ERO1A: variants seen among roughly 807,000 people sequenced by gnomAD.
The protein encoded by ERO1A is ERO1-like protein alpha.
A neutral mutation model predicts 76.9 loss-of-function variants in ERO1A; 49 were observed. The ratio of observed to expected loss-of-function variants is 0.64; its 90% CI spans 0.51 to 0.81. The LOEUF is 0.81. Among genes scored for constraint, ERO1A ranks in the 30% least tolerant of loss-of-function variants. ERO1A has a pLI of 0.00. For synonymous variants in ERO1A, 174 were observed against 181.2 expected, an observed-to-expected ratio of 0.96 and a Z score of 0.32; for missense variants, 448 against 542.1, an observed-to-expected ratio of 0.83 and a Z score of 1.72.
At chr14:52,686,565 ATGGTAGAT>A (rs140614917) in intron 1 of ERO1A, among the ~76,000 whole-genome samples, 22,532 of 152,042 alleles carry the variant, frequency 0.15, 1,855 homozygotes, top group African/African-American at 0.23. Context: ...GGCAGGATAA[ATGGTAGAT>A]TGGTAGATTT....
At chr14:52,646,087 C>G in intron 15 of ERO1A, 67 bp downstream of exon 15, 1 of 1,502,346 alleles carries the variant, frequency 6.7e-7, no homozygotes, top group Non-Finnish European at 8.9e-7. Flanking sequence ...CCAGTTTTTT[C>G]TGAGAGCATA....
Position 52,695,358 on chromosome 14 carries a change from CA to C in ERO1A, c.114+9del. On this transcript the variant is annotated intron_variant, in intron 1 of 15. Coordinates refer to ENST00000395686, the MANE Select transcript of ERO1A (RefSeq NM_014584.3). ...CCGGGACCCTCAGCACCAACGCGCA[CA>C]TCGCTCACCTGGCAGAAGCACCTCT... 7.0e-7 allele frequency: 1 copy of C among 1,432,322 alleles called. No individual in the cohort carries two copies. Among genetic ancestry groups the C allele is most frequent in the Non-Finnish European group, 9.3e-7 (1 of 1,079,970 alleles). 88.7% of individuals were successfully genotyped at this position (1,432,322 alleles called of 1,614,324 possible).
intron 3 of ERO1A, among the ~76,000 whole-genome samples, chr14:52,680,829 C>T (rs980507531): frequency 1.3e-5 from 2 of 152,188 alleles, no homozygotes; most frequent in African/African-American, 4.8e-5. Flanking sequence ...TTCTCATTCT[C>T]ATGGTAAAAT....
Position 52,671,722 on chromosome 14 carries a change from A to T in ERO1A, c.435-19T>A. On this transcript the variant is annotated intron_variant, in intron 5 of 15. Coordinates refer to ENST00000395686, the MANE Select transcript of ERO1A (RefSeq NM_014584.3). ...TTCCTCACTTCAAACAAAGAAAAAAAATAACATTATTATTTTTAAGTTAAT... is the reference window on the plus strand; with the variant it reads ...TTCCTCACTTCAAACAAAGAAAAAATATAACATTATTATTTTTAAGTTAAT... 6.3e-7 allele frequency: 1 copy of T among 1,588,694 alleles called. No homozygotes were observed. The highest frequency in any genetic ancestry group is 1.4e-5 in the African/African-American group (1 of 73,676).
intron 6 of ERO1A, 139 bp downstream of exon 6, chr14:52,671,491 C>A (rs1175717052): frequency 1.1e-5 from 6 of 568,646 alleles, no homozygotes; most frequent in African/African-American, 3.8e-5. Flanking sequence ...AATACCTGGG[C>A]TCCAGTGATT....
intron 1 of ERO1A, among the ~76,000 whole-genome samples, chr14:52,687,527 A>T (rs1176761753): frequency 1.3e-5 from 2 of 152,214 alleles, no homozygotes; most frequent in African/African-American, 2.4e-5. Flanking sequence ...AAATCCTATT[A>T]CCTCAACTAA....
intron 9 of ERO1A, among the ~76,000 whole-genome samples, chr14:52,660,306 T>A (rs756286558): frequency 6.6e-6 from 1 of 152,236 alleles, no homozygotes; most frequent in South Asian, 2.1e-4. Flanking sequence ...AGGTTAACGA[T>A]CTATTTTTCT....
At chr14:52,680,082 C>CAAAAA (rs35358193) in intron 3 of ERO1A, among the ~76,000 whole-genome samples, 616 of 88,880 alleles carry the variant, frequency 6.9e-3, no homozygotes, top group Middle Eastern at 0.013. Flanking sequence ...AAAACACAAA[C>CAAAAA]AAAAAAAAAA....
intron 1 of ERO1A, among the ~76,000 whole-genome samples, chr14:52,685,867 C>T (rs147930835): frequency 8.2e-4 from 125 of 152,304 alleles, no homozygotes; most frequent in African/African-American, 3.0e-3. Context: ...TATTTTACCC[C>T]TGCCCACTAA....
chr14:52,685,460 T>C (rs144678526), intron 1 of ERO1A, among the ~76,000 whole-genome samples: 105 of 152,348 alleles, frequency 6.9e-4, no homozygotes, highest in Middle Eastern at 6.8e-3. Flanking sequence ...CTAAATGATA[T>C]GATTTTTCAA....
intron 9 of ERO1A, among the ~76,000 whole-genome samples, chr14:52,660,243 T>C (rs2040188386): frequency 6.6e-6 from 1 of 152,276 alleles, no homozygotes; most frequent in East Asian, 1.9e-4. Flanking sequence ...CCTTTGATAT[T>C]TGGCCAAAAT....
chr14:52,646,318 T>C (rs200882787), intron 14 of ERO1A, 31 bp from the exon 15 acceptor site: 2 of 1,598,624 alleles, frequency 1.3e-6, no homozygotes, highest in East Asian at 2.2e-5. Flanking sequence ...AAAGAAAAAT[T>C]AGAAAATTAT....
intron 4 of ERO1A, among the ~76,000 whole-genome samples, chr14:52,675,172 T>C (rs953381717): frequency 6.6e-6 from 1 of 152,084 alleles, no homozygotes; most frequent in African/African-American, 2.4e-5. Flanking sequence ...TCACTTGAGG[T>C]CAGAGGTTTG....
chr14:52,667,437 A>C (rs1348375473), intron 6 of ERO1A, among the ~76,000 whole-genome samples: 5 of 152,134 alleles, frequency 3.3e-5, no homozygotes, highest in Non-Finnish European at 5.9e-5. Flanking sequence ...GGTCGGTCCC[A>C]GGGTGGGCAC....
Position 52,695,353 on chromosome 14 carries a change from G to A in ERO1A, c.114+15C>T, listed in dbSNP as rs749113229. ...GGGCGCCGGGACCCTCAGCACCAACGCGCACATCGCTCACCTGGCAGAAGC... is the reference window on the plus strand; with the variant it reads ...GGGCGCCGGGACCCTCAGCACCAACACGCACATCGCTCACCTGGCAGAAGC... On this transcript the variant is annotated intron_variant, in intron 1 of 15. Coordinates refer to ENST00000395686, the MANE Select transcript of ERO1A (RefSeq NM_014584.3). 1.4e-6 allele frequency: 2 copies of A among 1,421,334 alleles called. No individual in the cohort carries two copies. The highest frequency in any genetic ancestry group is 9.3e-7 in the Non-Finnish European group (1 of 1,073,740). The allele number at this position is 1,421,334 out of a possible 1,614,324, so 88.0% of individuals were successfully genotyped here. A position where few individuals can be genotyped will look rare whatever the true frequency, so the allele number is the denominator to read the frequency against.
In ERO1A at chr14:52,642,934, G is replaced by C. The variant is rs2139608378; in HGVS notation, c.*636C>G. On this transcript the variant is annotated 3_prime_UTR_variant, in exon 16 of 16. Coordinates refer to ENST00000395686, the MANE Select transcript of ERO1A (RefSeq NM_014584.3). ...TCAAAATAGCAATATACTTCTAAAA[G>C]TGATTTGTTTCATACCAATGTATTT... is the stretch of plus-strand genomic sequence containing the variant. The C allele has an allele frequency of 6.6e-6, 1 of 152,654 alleles. No individual in the cohort carries two copies. The allele number at this position is 152,654 out of a possible 1,614,324, so 9.5% of individuals were successfully genotyped here.
chr14:52,669,814 T>C (rs74785412), intron 6 of ERO1A, among the ~76,000 whole-genome samples: 3,051 of 152,340 alleles, frequency 0.02, 107 homozygotes, highest in African/African-American at 0.069. Context: ...GGAAAGCAAT[T>C]TTCCCCAAAA....
chr14:52,691,931 TAAGC>T (rs757926207), intron 1 of ERO1A, among the ~76,000 whole-genome samples: 1 of 152,226 alleles, frequency 6.6e-6, no homozygotes, highest in Non-Finnish European at 1.5e-5. Flanking sequence ...AACTAACACT[TAAGC>T]ACTATTATCA....
At chr14:52,669,937 T>C (rs1479274399) in intron 6 of ERO1A, among the ~76,000 whole-genome samples, 1 of 152,222 alleles carries the variant, frequency 6.6e-6, no homozygotes, top group Admixed American at 6.5e-5. Context: ...TGTTGTGTTG[T>C]TTTGAGAAAG....
Sources: gnomAD v4.1 joint callset for allele counts (sites outside exome capture counted in the v4.1 genomes callset) on GRCh38, gnomAD v4.1.1 for gene constraint, MANE v1.5 for transcripts, NCBI Gene and HGNC (gene_info 2026-07-23, HGNC 2026-07-21) for gene names.